Variants in CACHD1 observed in about 807,000 individuals in gnomAD.
CACHD1 encodes cache domain containing 1, also known as VWFA and cache domain-containing protein 1.
Under a neutral mutation model 138.7 loss-of-function variants are expected in CACHD1, and 71 were observed. That is an observed-to-expected ratio of 0.51 (90% CI 0.42 to 0.62). The LOEUF (loss-of-function observed/expected upper bound fraction) is 0.62, where lower values mean the gene tolerates loss of function less well. Ranked by LOEUF, CACHD1 falls within the 20% of genes least tolerant of loss-of-function variation. CACHD1 has a pLI of 0.00. For synonymous variants in CACHD1, 578 were observed against 591.5 expected (o/e 0.98, Z 0.33); for missense variants, 1,389 against 1,625.3 (o/e 0.85, Z 2.50).
chr1:64,489,286 C>T (rs1442538061), intron 1 of CACHD1, among the ~76,000 whole-genome samples: 1 of 152,100 alleles, frequency 6.6e-6, no homozygotes, highest in Non-Finnish European at 1.5e-5. Context: ...TTTCCATTTT[C>T]CAATCTCCCA....
chr1:64,495,915 C>G (rs1646303877), intron 1 of CACHD1, among the ~76,000 whole-genome samples: 1 of 152,054 alleles, frequency 6.6e-6, no homozygotes, highest in Non-Finnish European at 1.5e-5. Flanking sequence ...GAAAAAAGAA[C>G]ATGTATGGAC....
chr1:64,657,809 G>A (rs1649316033), intron 12 of CACHD1, among the ~76,000 whole-genome samples: 2 of 152,082 alleles, frequency 1.3e-5, no homozygotes, highest in African/African-American at 2.4e-5. Context: ...TTCTGATTTC[G>A]CTAGTCATCA....
chr1:64,514,454 G>A (rs1405309568), intron 1 of CACHD1, among the ~76,000 whole-genome samples: 1 of 152,084 alleles, frequency 6.6e-6, no homozygotes, highest in East Asian at 1.9e-4. Context: ...CTTTTTTGTA[G>A]CTCGATATAA....
At chr1:64,524,723 G>A (rs974628633) in intron 1 of CACHD1, among the ~76,000 whole-genome samples, 1 of 152,164 alleles carries the variant, frequency 6.6e-6, no homozygotes, top group Non-Finnish European at 1.5e-5. Context: ...ATTAGAAAAA[G>A]CAAATGTATC....
chr1:64,557,939 C>T (rs991435259), intron 2 of CACHD1, among the ~76,000 whole-genome samples: 10 of 152,258 alleles, frequency 6.6e-5, no homozygotes, highest in Admixed American at 5.2e-4. Context: ...GCTGGGATTA[C>T]AGGCATGTGC....
chr1:64,612,213 A>G (rs1285421255), intron 4 of CACHD1, among the ~76,000 whole-genome samples: 2 of 152,242 alleles, frequency 1.3e-5, no homozygotes, highest in African/African-American at 2.4e-5. Flanking sequence ...ATCATGAACC[A>G]TAAAAGCATA....
chr1:64,631,384 T>A (rs189413900), intron 5 of CACHD1, among the ~76,000 whole-genome samples: 35 of 152,342 alleles, frequency 2.3e-4, no homozygotes, highest in African/African-American at 7.5e-4. Flanking sequence ...ATTTCCCTAG[T>A]GGCTCAATGG....
At chr1:64,628,409 A>G (rs372244104) in intron 4 of CACHD1, among the ~76,000 whole-genome samples, 1 of 152,204 alleles carries the variant, frequency 6.6e-6, no homozygotes, top group African/African-American at 2.4e-5. Flanking sequence ...TGACCAGCAC[A>G]TAGTAAGTGT....
At chr1:64,563,243 A>T (rs899397689) in intron 2 of CACHD1, among the ~76,000 whole-genome samples, 2 of 151,868 alleles carry the variant, frequency 1.3e-5, no homozygotes, top group African/African-American at 4.8e-5. Context: ...TTTTACAGGA[A>T]AGGTTTAAAA....
chr1:64,603,354 T>A (rs966113170), intron 4 of CACHD1, among the ~76,000 whole-genome samples: 3 of 152,116 alleles, frequency 2.0e-5, no homozygotes, highest in African/African-American at 7.2e-5. Context: ...TCTGCTGGCC[T>A]TGGCCTCCCA....
At chr1:64,663,872 C>G (rs1445794875) in intron 14 of CACHD1, 35 bp downstream of exon 14, 15 of 1,613,066 alleles carry the variant, frequency 9.3e-6, no homozygotes, top group Non-Finnish European at 1.2e-5. Context: ...TTCTGGTGTC[C>G]CCCTCCACAG....
chr1:64,531,110 C>A (rs1017621493), intron 1 of CACHD1, among the ~76,000 whole-genome samples: 1 of 152,104 alleles, frequency 6.6e-6, no homozygotes, highest in Non-Finnish European at 1.5e-5. Context: ...TGGAATGCTT[C>A]TCTGCTGGCT....
chr1:64,605,682 C>T (rs746710864), intron 4 of CACHD1, among the ~76,000 whole-genome samples: 31 of 152,132 alleles, frequency 2.0e-4, no homozygotes, highest in Non-Finnish European at 3.2e-4. Context: ...ATGATGGTCC[C>T]CTGCCAAGAC....
chr1:64,477,825 G>C (rs909248593), intron 1 of CACHD1, among the ~76,000 whole-genome samples: 1 of 149,688 alleles, frequency 6.7e-6, no homozygotes, highest in Non-Finnish European at 1.5e-5. Context: ...TAGTAGAGAC[G>C]GGGTTTCACC....
At chr1:64,531,044 G>A (rs544098120) in intron 1 of CACHD1, among the ~76,000 whole-genome samples, 2 of 150,966 alleles carry the variant, frequency 1.3e-5, no homozygotes, top group African/African-American at 4.9e-5. Flanking sequence ...TATTGGCAAT[G>A]AACTGTATAT....
At chr1:64,566,189 A>G (rs541388791) in intron 2 of CACHD1, among the ~76,000 whole-genome samples, 2 of 152,236 alleles carry the variant, frequency 1.3e-5, no homozygotes, top group East Asian at 3.9e-4. Context: ...TTCATTGTGT[A>G]TCTTTCCCTA....
chr1:64,474,867 A>T (rs1376759541), intron 1 of CACHD1, among the ~76,000 whole-genome samples: 1 of 152,240 alleles, frequency 6.6e-6, no homozygotes, highest in Non-Finnish European at 1.5e-5. Context: ...GGGCACACTT[A>T]CTATGAACTT....
At chr1:64,608,501 T>C (rs1647409148) in intron 4 of CACHD1, among the ~76,000 whole-genome samples, 1 of 152,226 alleles carries the variant, frequency 6.6e-6, no homozygotes, top group Non-Finnish European at 1.5e-5. Context: ...CCTCTCAGAC[T>C]AGCTGGAAGC....
chr1:64,576,935 A>T (rs537683135), intron 2 of CACHD1, among the ~76,000 whole-genome samples: 1 of 150,984 alleles, frequency 6.6e-6, no homozygotes, highest in African/African-American at 2.4e-5. Context: ...TCTTTATAAC[A>T]AATTTGATCA....
Sources: gnomAD v4.1 joint callset for allele counts (sites outside exome capture counted in the v4.1 genomes callset) on GRCh38, gnomAD v4.1.1 for gene constraint, MANE v1.5 for transcripts, NCBI Gene and HGNC (gene_info 2026-07-23, HGNC 2026-07-21) for gene names.